Variants in GRM8 observed in about 807,000 individuals in gnomAD.
GRM8 encodes metabotropic glutamate receptor 8.
GRM8 carries 47 observed loss-of-function variants against 87.2 expected under a neutral mutation model. The observed-to-expected ratio is 0.54, with a 90% CI of 0.43 to 0.69. GRM8 has a LOEUF of 0.69. Ranked by LOEUF, GRM8 falls within the 30% of genes least tolerant of loss-of-function variation. The pLI, the probability that GRM8 is intolerant of heterozygous loss-of-function variation, is 0.00. For missense variants in GRM8, 1,019 were observed against 1,139.2 expected, an observed-to-expected ratio of 0.89 and a Z score of 1.52; for synonymous variants, 396 against 404.5, an observed-to-expected ratio of 0.98 and a Z score of 0.25.
At chr7:126,459,333 C>T (rs1302150885) in intron 9 of GRM8, among the ~76,000 whole-genome samples, 4 of 151,028 alleles carry the variant, frequency 2.6e-5, no homozygotes, top group African/African-American at 4.9e-5. Flanking sequence ...AAAGGTAGTA[C>T]GTGACTGACA....
At chr7:126,578,312 C>T (rs539198267) in intron 8 of GRM8, among the ~76,000 whole-genome samples, 1 of 152,268 alleles carries the variant, frequency 6.6e-6, no homozygotes, top group African/African-American at 2.4e-5. Context: ...GCTGTTCAGT[C>T]TCCCTATCCC....
At chr7:127,222,250 A>G (rs1050274331) in intron 2 of GRM8, among the ~76,000 whole-genome samples, 2 of 152,206 alleles carry the variant, frequency 1.3e-5, no homozygotes, top group Admixed American at 6.5e-5. Flanking sequence ...TGCAAAAAAT[A>G]TATAAAAAGT....
At chr7:127,136,230 T>C (rs1563535810) in intron 2 of GRM8, among the ~76,000 whole-genome samples, 1 of 151,818 alleles carries the variant, frequency 6.6e-6, no homozygotes, top group East Asian at 1.9e-4. Flanking sequence ...AAATTTAATA[T>C]GAACAGCTCT....
chr7:127,075,738 GGGGA>G (rs1822190583), intron 3 of GRM8, among the ~76,000 whole-genome samples: 1 of 152,062 alleles, frequency 6.6e-6, no homozygotes, highest in East Asian at 1.9e-4. Context: ...CCCATTATTG[GGGGA>G]GGGAGAGGAA....
intron 2 of GRM8, among the ~76,000 whole-genome samples, chr7:127,109,554 C>T (rs1461621729): frequency 6.6e-6 from 1 of 152,126 alleles, no homozygotes. Context: ...AATTCAATAT[C>T]CAGCTCAAAA....
intron 3 of GRM8, among the ~76,000 whole-genome samples, chr7:126,935,759 C>A (rs11980252): frequency 0.026 from 3,965 of 152,266 alleles, 164 homozygotes; most frequent in African/African-American, 0.089. Context: ...CTTACCACAT[C>A]AGAAAACAAT....
intron 7 of GRM8, among the ~76,000 whole-genome samples, chr7:126,728,529 G>GA (rs1813256321): frequency 6.6e-6 from 1 of 152,116 alleles, no homozygotes. Context: ...AAGGAGCAGA[G>GA]AAAGAATCTC....
chr7:126,785,166 G>A (rs1183983433), intron 6 of GRM8, among the ~76,000 whole-genome samples: 2 of 152,130 alleles, frequency 1.3e-5, no homozygotes, highest in African/African-American at 4.8e-5. Context: ...AAGACTATAG[G>A]TGAATGCCAC....
At chr7:126,803,497 A>G (rs966234372) in intron 6 of GRM8, among the ~76,000 whole-genome samples, 6 of 152,182 alleles carry the variant, frequency 3.9e-5, no homozygotes, top group Non-Finnish European at 8.8e-5. Flanking sequence ...AGTCAAAAAA[A>G]ATTATAGGTA....
intron 3 of GRM8, among the ~76,000 whole-genome samples, chr7:127,077,115 G>A (rs1822357819): frequency 6.6e-6 from 1 of 152,088 alleles, no homozygotes; most frequent in Non-Finnish European, 1.5e-5. Context: ...GGTCTTCAAT[G>A]GAGTGTGTGT....
chr7:127,102,298 G>C (rs1484182866), intron 3 of GRM8, among the ~76,000 whole-genome samples: 1 of 152,230 alleles, frequency 6.6e-6, no homozygotes, highest in Non-Finnish European at 1.5e-5. Context: ...TTTTTCAGGA[G>C]AAGAATTTAA....
At chr7:127,123,174 T>C (rs1827177135) in intron 2 of GRM8, among the ~76,000 whole-genome samples, 1 of 152,158 alleles carries the variant, frequency 6.6e-6, no homozygotes, top group South Asian at 2.1e-4. Flanking sequence ...ATCCATATAA[T>C]AGTCGCCAGG....
chr7:126,988,382 A>G (rs1725638145), intron 3 of GRM8, among the ~76,000 whole-genome samples: 1 of 152,250 alleles, frequency 6.6e-6, no homozygotes, highest in Non-Finnish European at 1.5e-5. Flanking sequence ...ACTTGACTTA[A>G]GTAACCAACA....
At chr7:127,178,879 CAG>C (rs1794270471) in intron 2 of GRM8, among the ~76,000 whole-genome samples, 1 of 152,028 alleles carries the variant, frequency 6.6e-6, no homozygotes, top group Non-Finnish European at 1.5e-5. Context: ...CACATCAAAA[CAG>C]AAACTCTTTA....
chr7:126,863,554 C>G (rs1798323889), intron 6 of GRM8, among the ~76,000 whole-genome samples: 1 of 152,120 alleles, frequency 6.6e-6, no homozygotes, highest in Non-Finnish European at 1.5e-5. Flanking sequence ...CAAGCTTAGT[C>G]AAACCCATAG....
At chr7:127,250,163 G>T in intron 1 of GRM8, among the ~76,000 whole-genome samples, 1 of 152,154 alleles carries the variant, frequency 6.6e-6, no homozygotes, top group East Asian at 1.9e-4. Context: ...AATGTCAGAC[G>T]GGTTATTTGC....
intron 2 of GRM8, among the ~76,000 whole-genome samples, chr7:127,221,101 C>A (rs1796899607): frequency 6.6e-6 from 1 of 152,230 alleles, no homozygotes; most frequent in Non-Finnish European, 1.5e-5. Flanking sequence ...TATTGTCCAA[C>A]CATAGGCCAG....
chr7:126,854,171 T>C (rs928086751), intron 6 of GRM8, among the ~76,000 whole-genome samples: 3 of 152,218 alleles, frequency 2.0e-5, no homozygotes, highest in African/African-American at 7.2e-5. Flanking sequence ...TCTCTCACAG[T>C]GCCTTTGTCC....
At chr7:126,649,869 A>G (rs370230275) in intron 7 of GRM8, among the ~76,000 whole-genome samples, 1 of 152,160 alleles carries the variant, frequency 6.6e-6, no homozygotes, top group South Asian at 2.1e-4. Context: ...GGGCCATATG[A>G]CCCAGGAGAT....
Sources: gnomAD v4.1 joint callset for allele counts (sites outside exome capture counted in the v4.1 genomes callset) on GRCh38, gnomAD v4.1.1 for gene constraint, MANE v1.5 for transcripts, NCBI Gene and HGNC (gene_info 2026-07-23, HGNC 2026-07-21) for gene names.